OPCML: variants seen among roughly 807,000 people sequenced by gnomAD.
The protein encoded by OPCML is opioid-binding protein/cell adhesion molecule.
Under a neutral mutation model 37.8 loss-of-function variants are expected in OPCML, and 13 were observed. The observed-to-expected ratio is 0.34, with a 90% CI of 0.22 to 0.55. The LOEUF (loss-of-function observed/expected upper bound fraction) is 0.55, where lower values mean the gene tolerates loss of function less well. OPCML is among the 20% of genes least tolerant of loss of function. The pLI, the probability that OPCML is intolerant of heterozygous loss-of-function variation, is 0.91. For missense variants in OPCML, 341 were observed against 435.6 expected, an observed-to-expected ratio of 0.78 and a Z score of 1.93; for synonymous variants, 176 against 168.8, an observed-to-expected ratio of 1.04 and a Z score of -0.33.
At chr11:133,187,365 A>G (rs558298) in intron 1 of OPCML, among the ~76,000 whole-genome samples, 29,702 of 151,938 alleles carry the variant, frequency 0.2, 2,920 homozygotes, top group Admixed American at 0.22. Context: ...GGAATTGCGT[A>G]AAGAACTACT....
chr11:132,658,139 C>T lies in OPCML; in HGVS notation c.147-820G>A, dbSNP rs516752. The stretch of plus-strand genomic sequence containing the variant: ...TAGGACTGAAAGTGTTGGACGTCTG[C>T]GCATGTGCCCAGGAACTGAGGACGT... On this transcript the variant is annotated intron_variant, in intron 2 of 7. Transcript: ENST00000524381. Among the ~76,000 whole-genome samples, 81 of 152,286 alleles carry T rather than the reference C, an allele frequency of 5.3e-4. No homozygotes were observed. In the South Asian group the frequency reaches 0.016, roughly 30 times the overall value.
intron 1 of OPCML, among the ~76,000 whole-genome samples, chr11:133,071,193 C>T (rs945727441): frequency 6.6e-6 from 1 of 152,198 alleles, no homozygotes; most frequent in Non-Finnish European, 1.5e-5. Context: ...TTGCCCTATC[C>T]AAGCTCAGTG....
chr11:132,637,215 A>T (rs1032771050), intron 3 of OPCML, among the ~76,000 whole-genome samples: 5 of 151,812 alleles, frequency 3.3e-5, no homozygotes, highest in Non-Finnish European at 5.9e-5. Context: ...AGTCCACAAG[A>T]TGTTACACAA....
At chr11:133,286,989 C>T (rs1942316907) in intron 1 of OPCML, among the ~76,000 whole-genome samples, 1 of 152,112 alleles carries the variant, frequency 6.6e-6, no homozygotes, top group Admixed American at 6.5e-5. Context: ...CTGCGCACTG[C>T]CTGGGAGGAG....
chr11:132,952,934 C>G (rs1260594391), intron 1 of OPCML, among the ~76,000 whole-genome samples: 2 of 152,038 alleles, frequency 1.3e-5, no homozygotes, highest in African/African-American at 4.8e-5. Flanking sequence ...ACCAAGAAGA[C>G]AAACAAAAGT....
intron 1 of OPCML, among the ~76,000 whole-genome samples, chr11:133,216,610 T>G (rs2136352387): frequency 6.6e-6 from 1 of 152,318 alleles, no homozygotes; most frequent in South Asian, 2.1e-4. Context: ...AATTTATATG[T>G]GTCACTATTT....
intron 1 of OPCML, among the ~76,000 whole-genome samples, chr11:133,304,054 A>C (rs2136572754): frequency 6.6e-6 from 1 of 152,320 alleles, no homozygotes; most frequent in African/African-American, 2.4e-5. Context: ...GAATTGATAA[A>C]TTTGCGTACT....
intron 1 of OPCML, among the ~76,000 whole-genome samples, chr11:133,152,412 T>A (rs1285009716): frequency 6.6e-6 from 1 of 152,162 alleles, no homozygotes; most frequent in Admixed American, 6.5e-5. Context: ...CCTTTAAAGG[T>A]TGCTTCATCA....
chr11:132,575,020 T>C (rs1329148923), intron 3 of OPCML, among the ~76,000 whole-genome samples: 1 of 152,052 alleles, frequency 6.6e-6, no homozygotes, highest in Non-Finnish European at 1.5e-5. Context: ...TCTTGGTCTC[T>C]TTTGGCAGTT....
At chr11:133,048,917 G>A (rs1948074588) in intron 1 of OPCML, among the ~76,000 whole-genome samples, 1 of 152,188 alleles carries the variant, frequency 6.6e-6, no homozygotes, top group African/African-American at 2.4e-5. Flanking sequence ...CAGTCAGTTT[G>A]AAAGTCTAGT....
chr11:132,741,618 T>G (rs1033404430), intron 2 of OPCML, among the ~76,000 whole-genome samples: 19 of 152,216 alleles, frequency 1.2e-4, no homozygotes, highest in African/African-American at 4.6e-4. Context: ...CCATATAACT[T>G]AAGTCCTTAT....
At chr11:132,698,214 C>G (rs1943671467) in intron 2 of OPCML, among the ~76,000 whole-genome samples, 1 of 151,966 alleles carries the variant, frequency 6.6e-6, no homozygotes, top group South Asian at 2.1e-4. Context: ...TTTTGAGGAA[C>G]TTCCATACTG....
At chr11:132,937,362 C>G (rs749289489) in intron 2 of OPCML, among the ~76,000 whole-genome samples, 6 of 152,146 alleles carry the variant, frequency 3.9e-5, no homozygotes, top group Non-Finnish European at 8.8e-5. Flanking sequence ...TAAACAATTA[C>G]CCAAAGGGCT....
At chr11:132,992,737 T>C (rs1373322166) in intron 1 of OPCML, among the ~76,000 whole-genome samples, 1 of 152,190 alleles carries the variant, frequency 6.6e-6, no homozygotes, top group Admixed American at 6.5e-5. Flanking sequence ...ATGACAAATT[T>C]AGAATTTGAT....
chr11:132,934,541 G>A (rs985507551), intron 2 of OPCML, among the ~76,000 whole-genome samples: 1 of 152,082 alleles, frequency 6.6e-6, no homozygotes, highest in Non-Finnish European at 1.5e-5. Flanking sequence ...TCAAAAGTAG[G>A]GCCCAGGCAT....
chr11:132,795,954 T>C (rs1187706595), intron 2 of OPCML, among the ~76,000 whole-genome samples: 1 of 152,250 alleles, frequency 6.6e-6, no homozygotes, highest in Non-Finnish European at 1.5e-5. Context: ...AAACATGTTT[T>C]TTAATTGCAT....
intron 2 of OPCML, among the ~76,000 whole-genome samples, chr11:132,659,500 C>T (rs990977287): frequency 2.6e-5 from 4 of 152,172 alleles, no homozygotes; most frequent in African/African-American, 4.8e-5. Context: ...ATGTTCCAGT[C>T]GCTTCTAGTT....
At chr11:132,484,461 C>T (rs2137035383) in intron 4 of OPCML, among the ~76,000 whole-genome samples, 1 of 152,338 alleles carries the variant, frequency 6.6e-6, no homozygotes, top group Admixed American at 6.5e-5. Context: ...CACTTTTACA[C>T]TGTTGGTGGG....
At chr11:133,439,697 G>A (rs1354427572) in intron 1 of OPCML, among the ~76,000 whole-genome samples, 2 of 152,070 alleles carry the variant, frequency 1.3e-5, no homozygotes, top group Middle Eastern at 3.4e-3. Flanking sequence ...TCGATCTCCT[G>A]ACTTCGTGAT....
Sources: allele counts gnomAD v4.1 joint callset (sites outside exome capture counted in the v4.1 genomes callset), GRCh38; gene constraint gnomAD v4.1.1; transcripts MANE v1.5; gene names NCBI Gene and HGNC (gene_info 2026-07-23, HGNC 2026-07-21).